Variants in TOX2 observed in about 807,000 individuals in gnomAD.
TOX2 encodes granulosa cell HMG box 1.
TOX2 carries 15 observed loss-of-function variants against 47.4 expected under a neutral mutation model. The ratio of observed to expected loss-of-function variants is 0.32; its 90% CI spans 0.21 to 0.49. The LOEUF (loss-of-function observed/expected upper bound fraction) is 0.49, where lower values mean the gene tolerates loss of function less well. TOX2 is among the 20% of genes least tolerant of loss of function. The pLI is 0.99. For synonymous variants in TOX2, 290 were observed against 296.6 expected, an observed-to-expected ratio of 0.98 and a Z score of 0.23; for missense variants, 622 against 673.1, an observed-to-expected ratio of 0.92 and a Z score of 0.84.
chr20:44,006,877 A>G (rs965257597), intron 3 of TOX2, 85 bp downstream of exon 3: 4 of 1,493,846 alleles, frequency 2.7e-6, no homozygotes, highest in Admixed American at 2.1e-5. Context: ...TGATGCTTTG[A>G]TAAGAACTCT....
chr20:44,044,562 T>G (rs2071385049), intron 3 of TOX2, among the ~76,000 whole-genome samples: 1 of 152,112 alleles, frequency 6.6e-6, no homozygotes, highest in South Asian at 2.1e-4. Flanking sequence ...TGGACAAGAA[T>G]GGGTTTCACT....
chr20:43,951,707 G>GTTTTTTTTTTTGTTTTTTTTT (rs2069572061), intron 1 of TOX2, among the ~76,000 whole-genome samples: 2 of 55,094 alleles, frequency 3.6e-5, no homozygotes, highest in East Asian at 5.3e-4. Context: ...AACTTATTAT[G>GTTTTTTTTTTTGTTTTTTTTT]TTTTTTTTTT....
chr20:44,063,156 C>G (rs2071750336), intron 5 of TOX2, among the ~76,000 whole-genome samples: 1 of 152,108 alleles, frequency 6.6e-6, no homozygotes, highest in African/African-American at 2.4e-5. Flanking sequence ...CTTAATTAAA[C>G]TAAAAAGCTG....
intron 3 of TOX2, among the ~76,000 whole-genome samples, chr20:44,037,152 C>T (rs888141596): frequency 3.3e-5 from 5 of 152,276 alleles, no homozygotes; most frequent in African/African-American, 1.2e-4. Flanking sequence ...CAGGGTTTTA[C>T]CATGTTGGTC....
chr20:43,983,756 A>T (rs961676640), intron 2 of TOX2, among the ~76,000 whole-genome samples: 1 of 152,204 alleles, frequency 6.6e-6, no homozygotes, highest in Non-Finnish European at 1.5e-5. Flanking sequence ...GCTCAGGCTC[A>T]GGGGCTAAAT....
At chr20:43,929,588 C>A (rs959081033) in intron 1 of TOX2, among the ~76,000 whole-genome samples, 3 of 152,232 alleles carry the variant, frequency 2.0e-5, no homozygotes, top group African/African-American at 7.2e-5. Flanking sequence ...TGGCTGGCTC[C>A]TGCCCAGCCT....
chr20:43,965,478 C>G (rs2069834641), intron 1 of TOX2, among the ~76,000 whole-genome samples: 1 of 152,202 alleles, frequency 6.6e-6, no homozygotes, highest in South Asian at 2.1e-4. Context: ...CTAGCACACT[C>G]CCTGTCACAT....
At chr20:43,949,029 C>T (rs972579479) in intron 1 of TOX2, among the ~76,000 whole-genome samples, 3 of 152,166 alleles carry the variant, frequency 2.0e-5, no homozygotes, top group Non-Finnish European at 4.4e-5. Flanking sequence ...TGTAGAAAGG[C>T]AGCTTTGATT....
At position 43,985,847 on chromosome 20, in the gene TOX2, G is replaced by C. The variant is rs1425559657; in HGVS notation, c.165+12415G>C. Among the ~76,000 whole-genome samples, 6 of 152,270 alleles carry C rather than the reference G, an allele frequency of 3.9e-5. No homozygotes were observed. In the East Asian group the frequency reaches 1.2e-3, roughly 29 times the overall value. On this transcript the variant is annotated intron_variant, in intron 2 of 8. Transcript: ENST00000341197. Reference sequence around the variant, plus strand: ...TAGTTGGGAGGGTGCTTAGAGCAGAGTGAGGAGCTGGGGCGCATGGCTTTA... The same window carrying C: ...TAGTTGGGAGGGTGCTTAGAGCAGACTGAGGAGCTGGGGCGCATGGCTTTA...
chr20:44,006,381 C>A (rs906117561), intron 2 of TOX2, among the ~76,000 whole-genome samples, 166 bp from the exon 3 acceptor site: 3 of 152,126 alleles, frequency 2.0e-5, no homozygotes, highest in Non-Finnish European at 4.4e-5. Flanking sequence ...GGAGTCTGAC[C>A]GAGTTAGGGC....
At chr20:43,945,440 C>A (rs1319836842) in intron 1 of TOX2, among the ~76,000 whole-genome samples, 1 of 152,210 alleles carries the variant, frequency 6.6e-6, no homozygotes, top group African/African-American at 2.4e-5. Flanking sequence ...CAAGCAACAT[C>A]CTTGGGCATG....
intron 4 of TOX2, 63 bp downstream of exon 4, chr20:44,051,608 G>A: frequency 6.6e-7 from 1 of 1,516,558 alleles, no homozygotes; most frequent in East Asian, 2.3e-5. Flanking sequence ...GGGGTCCTGT[G>A]GGGAAATGGG....
At chr20:44,044,327 A>G (rs1425807007) in intron 3 of TOX2, among the ~76,000 whole-genome samples, 1 of 152,090 alleles carries the variant, frequency 6.6e-6, no homozygotes, top group Non-Finnish European at 1.5e-5. Context: ...CCTAATGTAA[A>G]TGATGAGTTA....
intron 5 of TOX2, among the ~76,000 whole-genome samples, chr20:44,062,578 A>T (rs1268929814): frequency 6.6e-6 from 1 of 152,128 alleles, no homozygotes. Context: ...GCCAAAAGCA[A>T]TCTATAAATT....
intron 2 of TOX2, among the ~76,000 whole-genome samples, chr20:44,002,763 TGAGA>T (rs371116496): frequency 6.6e-6 from 1 of 151,290 alleles, no homozygotes; most frequent in African/African-American, 2.4e-5. Context: ...GGCAGGAGAA[TGAGA>T]GAGAGAGAGG....
chr20:44,054,584 G>A (rs2071584799), intron 5 of TOX2, 58 bp downstream of exon 5: 1 of 1,545,752 alleles, frequency 6.5e-7, no homozygotes, highest in Non-Finnish European at 8.8e-7. Flanking sequence ...TGGAACCAAG[G>A]ACACACTTTG....
chr20:43,918,332 C>T (rs1400946192), intron 1 of TOX2, among the ~76,000 whole-genome samples: 10 of 152,140 alleles, frequency 6.6e-5, no homozygotes, highest in Non-Finnish European at 1.2e-4. Context: ...ATGTGATTTA[C>T]ATACAATAAC....
At chr20:44,063,955 T>C (rs575525776) in intron 5 of TOX2, among the ~76,000 whole-genome samples, 25 of 152,226 alleles carry the variant, frequency 1.6e-4, no homozygotes, top group African/African-American at 6.0e-4. Context: ...AACTAAGCTA[T>C]GAGGACACAA....
chr20:43,918,590 A>C (rs2069082676), intron 1 of TOX2, among the ~76,000 whole-genome samples: 1 of 152,254 alleles, frequency 6.6e-6, no homozygotes, highest in African/African-American at 2.4e-5. Flanking sequence ...TATGCAGCAT[A>C]AACATTTGTG....
Sources: allele counts gnomAD v4.1 joint callset (sites outside exome capture counted in the v4.1 genomes callset), GRCh38; gene constraint gnomAD v4.1.1; transcripts MANE v1.5; gene names NCBI Gene and HGNC (gene_info 2026-07-23, HGNC 2026-07-21).